ZNF487: variants seen among roughly 807,000 people sequenced by gnomAD.
ZNF487 encodes the protein KRAB domain only 1.
A neutral mutation model predicts 3.0 loss-of-function variants in ZNF487; 4 were observed. The observed-to-expected ratio is 1.35, with a 90% confidence interval of 0.66 to 3.08. The LOEUF (loss-of-function observed/expected upper bound fraction) is 3.08. Among genes scored for constraint, ZNF487 ranks in the 30% most tolerant of loss-of-function variants. ZNF487 has a pLI of 0.01. For missense variants in ZNF487, 146 were observed against 98.7 expected, an observed-to-expected ratio of 1.48 and a Z score of -2.03; for synonymous variants, 55 against 34.6, an observed-to-expected ratio of 1.59 and a Z score of -2.06.
At chr10:43,463,969 CACA>C (rs1048748696) in intron 1 of ZNF487, among the ~76,000 whole-genome samples, 26 of 152,002 alleles carry the variant, frequency 1.7e-4, no homozygotes, top group African/African-American at 6.0e-4. Flanking sequence ...TTCCTTGAGA[CACA>C]ACAATATTGA....
chr10:43,453,546 T>TG (rs1319736043), intron 1 of ZNF487: 2 of 152,134 alleles, frequency 1.3e-5, no homozygotes, highest in Non-Finnish European at 2.9e-5. Flanking sequence ...GATGGAGTTA[T>TG]GGGGGGAGAG....
the ZNF487 span, among the ~76,000 whole-genome samples, chr10:43,498,941 C>CAA: frequency 1.4e-4 from 12 of 86,530 alleles, no homozygotes; most frequent in East Asian, 1.5e-3. Context: ...GACTCCGTCT[C>CAA]AAAAAAAAAA....
the ZNF487 span, among the ~76,000 whole-genome samples, chr10:43,502,729 T>C: frequency 4.7e-3 from 715 of 152,226 alleles, 7 homozygotes; most frequent in African/African-American, 0.017. Flanking sequence ...GTACATCTCC[T>C]ACTTATTTAA....
chr10:43,469,980 TG>T (rs986961458), intron 1 of ZNF487, among the ~76,000 whole-genome samples: 12 of 152,186 alleles, frequency 7.9e-5, no homozygotes, highest in African/African-American at 2.9e-4. Context: ...ATATGTACAT[TG>T]GTTTACTAGA....
rs1476151498 is a variant in ZNF487, at chr10:43,481,859, G to A, written c.561G>A (p.Lys187=). 3 of 701,894 alleles carry A rather than the reference G, an allele frequency of 4.3e-6. No individual in the cohort carries two copies. Among genetic ancestry groups the A allele is most frequent in the Non-Finnish European group, 7.8e-6 (3 of 384,776 alleles). The allele number at this position is 701,894 out of a possible 1,614,324, so 43.5% of individuals were successfully genotyped here. A position where few individuals can be genotyped will look rare whatever the true frequency, so the allele number is the denominator to read the frequency against. The change falls in exon 4 of 4, where the codon AAG becomes AAA. Residue 187 remains lysine (K), a synonymous_variant. Coordinates refer to ENST00000437590, the MANE Select transcript of ZNF487 (RefSeq NM_001355444.3). The part of the protein sequence containing the change: ...KQCFEYNQCG[K]AFHEEAACST... ...GTTTTGAATACAATCAGTGTGGGAA[G>A]GCTTTTCATGAAGAGGCAGCCTGCA...
chr10:43,446,059 A>G (rs1408695396), intron 1 of ZNF487, among the ~76,000 whole-genome samples: 1 of 152,238 alleles, frequency 6.6e-6, no homozygotes, highest in Non-Finnish European at 1.5e-5. Flanking sequence ...AACAAAATGG[A>G]GTCTCCTATG....
chr10:43,497,581 G>A, the ZNF487 span, among the ~76,000 whole-genome samples: 1 of 152,156 alleles, frequency 6.6e-6, no homozygotes. Context: ...GTCATGTGAA[G>A]GGTTTTATTT....
chr10:43,438,818 T>G (rs1468260555), intron 1 of ZNF487, among the ~76,000 whole-genome samples: 1 of 152,160 alleles, frequency 6.6e-6, no homozygotes, highest in Non-Finnish European at 1.5e-5. Flanking sequence ...CAGCGGCTCA[T>G]GCTGGTAATC....
At chr10:43,514,775 GCAATTAGAGGGCTCTT>G in the ZNF487 span, among the ~76,000 whole-genome samples, 2 of 152,154 alleles carry the variant, frequency 1.3e-5, no homozygotes, top group Admixed American at 6.5e-5. Context: ...ACAGAGAAGA[GCAATTAGAGGGCTCTT>G]CAAAGATGCA....
At chr10:43,507,937 A>T in the ZNF487 span, among the ~76,000 whole-genome samples, 1 of 152,230 alleles carries the variant, frequency 6.6e-6, no homozygotes, top group Non-Finnish European at 1.5e-5. Flanking sequence ...ATATATAGAC[A>T]GCAATAAAAA....
chr10:43,485,586 G>A (rs969576159), downstream of ZNF487, among the ~76,000 whole-genome samples: 1 of 152,218 alleles, frequency 6.6e-6, no homozygotes, highest in Non-Finnish European at 1.5e-5. Context: ...GGACTCAAGA[G>A]CTATGAGAAA....
At chr10:43,514,296 A>G in the ZNF487 span, among the ~76,000 whole-genome samples, 1 of 152,178 alleles carries the variant, frequency 6.6e-6, no homozygotes, top group South Asian at 2.1e-4. Flanking sequence ...TTGTGCCACC[A>G]TGCCTGGCTA....
intron 3 of ZNF487, among the ~76,000 whole-genome samples, chr10:43,481,130 C>T (rs987777803): frequency 1.3e-5 from 2 of 151,704 alleles, no homozygotes; most frequent in African/African-American, 2.4e-5. Flanking sequence ...GAGTTTGACA[C>T]CAGCCTGAGT....
intron 1 of ZNF487, among the ~76,000 whole-genome samples, chr10:43,457,595 T>C: frequency 1.4e-5 from 2 of 140,602 alleles, no homozygotes; most frequent in African/African-American, 2.7e-5. Context: ...AAAGAATTCC[T>C]CATGAGATCG....
intron 1 of ZNF487, among the ~76,000 whole-genome samples, chr10:43,460,165 G>C (rs1364948935): frequency 6.6e-6 from 1 of 151,720 alleles, no homozygotes; most frequent in Admixed American, 6.6e-5. Context: ...TTATTGAGAT[G>C]ATTATATTGT....
chr10:43,439,896 G>C (rs1839531205), intron 1 of ZNF487, among the ~76,000 whole-genome samples: 1 of 152,082 alleles, frequency 6.6e-6, no homozygotes, highest in Admixed American at 6.6e-5. Context: ...AGAGGCTGCG[G>C]TAAGGAGGAA....
intron 1 of ZNF487, among the ~76,000 whole-genome samples, chr10:43,474,295 A>G (rs1841010458): frequency 6.6e-6 from 1 of 151,794 alleles, no homozygotes; most frequent in African/African-American, 2.4e-5. Flanking sequence ...CTCTACTAAA[A>G]ATACAAAAAT....
the ZNF487 span, among the ~76,000 whole-genome samples, chr10:43,509,591 CA>C: frequency 8.6e-5 from 13 of 151,610 alleles, no homozygotes; most frequent in African/African-American, 3.2e-4. Flanking sequence ...GGATTAGTTC[CA>C]AAAGGATTGG....
At chr10:43,520,266 AG>A in the ZNF487 span, among the ~76,000 whole-genome samples, 1 of 152,168 alleles carries the variant, frequency 6.6e-6, no homozygotes, top group Admixed American at 6.5e-5. Flanking sequence ...TTACTAGGTA[AG>A]ATGCAGTAGA....
Sources: allele counts gnomAD v4.1 joint callset (sites outside exome capture counted in the v4.1 genomes callset), GRCh38; gene constraint gnomAD v4.1.1; transcripts MANE v1.5; gene names NCBI Gene and HGNC (gene_info 2026-07-23, HGNC 2026-07-21).